IQCM: variants seen among roughly 807,000 people sequenced by gnomAD.
IQCM encodes IQ motif containing M.
A neutral mutation model predicts 57.6 loss-of-function variants in IQCM; 45 were observed. The ratio of observed to expected loss-of-function variants is 0.78; its 90% CI spans 0.62 to 1.00. The LOEUF (loss-of-function observed/expected upper bound fraction) is 1.00. IQCM is among the 50% of genes least tolerant of loss of function. The probability of loss-of-function intolerance (pLI) is 0.00; values close to 1 mark genes in which losing one functional copy is unlikely to be tolerated. For missense variants in IQCM, 468 were observed against 511.6 expected, an observed-to-expected ratio of 0.91 and a Z score of 0.82; for synonymous variants, 148 against 158.9, an observed-to-expected ratio of 0.93 and a Z score of 0.51.
chr4:149,537,869 A>G (rs889005238), intron 12 of IQCM, among the ~76,000 whole-genome samples: 4 of 151,878 alleles, frequency 2.6e-5, no homozygotes, highest in Admixed American at 2.0e-4. Flanking sequence ...TATCCAGCAA[A>G]AATATTCAAG....
At chr4:149,501,602 A>G (rs1329312461) in intron 12 of IQCM, among the ~76,000 whole-genome samples, 1 of 152,204 alleles carries the variant, frequency 6.6e-6, no homozygotes, top group Non-Finnish European at 1.5e-5. Flanking sequence ...CAAAAAAACA[A>G]TCTGTAGTAA....
intron 7 of IQCM, among the ~76,000 whole-genome samples, chr4:149,622,004 C>A (rs1475025653): frequency 6.6e-6 from 1 of 152,040 alleles, no homozygotes; most frequent in Non-Finnish European, 1.5e-5. Context: ...CTGAAACTTT[C>A]AATTTAATAA....
At chr4:149,802,498 A>C (rs114960426) in intron 2 of IQCM, among the ~76,000 whole-genome samples, 3,338 of 152,056 alleles carry the variant, frequency 0.022, 65 homozygotes, top group South Asian at 0.036. Context: ...ACTGATGAGA[A>C]TTCCTGTCAA....
chr4:149,494,429 C>G (rs538646425), intron 12 of IQCM, among the ~76,000 whole-genome samples: 7 of 151,936 alleles, frequency 4.6e-5, no homozygotes, highest in African/African-American at 1.7e-4. Context: ...CACTAAAGTC[C>G]CTAATGAGAT....
chr4:149,796,242 G>T (rs1420220119), intron 2 of IQCM, among the ~76,000 whole-genome samples: 2 of 152,144 alleles, frequency 1.3e-5, no homozygotes, highest in Non-Finnish European at 2.9e-5. Context: ...AGGAGCCATT[G>T]GGCTATAAGA....
chr4:149,601,424 A>T (rs1754284168), intron 8 of IQCM, among the ~76,000 whole-genome samples: 1 of 152,198 alleles, frequency 6.6e-6, no homozygotes, highest in African/African-American at 2.4e-5. Context: ...AGAAACAGCA[A>T]GAAGAAAAGG....
intron 9 of IQCM, among the ~76,000 whole-genome samples, chr4:149,570,587 G>C (rs2149957753): frequency 6.6e-6 from 1 of 152,050 alleles, no homozygotes; most frequent in East Asian, 1.9e-4. Context: ...TGAAAAAACT[G>C]ACAGGGGCAA....
chr4:149,633,226 C>G (rs1230453195), intron 7 of IQCM, among the ~76,000 whole-genome samples: 1 of 114,966 alleles, frequency 8.7e-6, no homozygotes, highest in South Asian at 3.0e-4. Flanking sequence ...GAAACAAGAA[C>G]AGTGAAATGA....
chr4:149,401,354 G>T (rs1401227630), intron 13 of IQCM, among the ~76,000 whole-genome samples: 1 of 151,708 alleles, frequency 6.6e-6, no homozygotes, highest in Non-Finnish European at 1.5e-5. Flanking sequence ...TTATATTTTA[G>T]TGGCTGACAG....
intron 7 of IQCM, among the ~76,000 whole-genome samples, chr4:149,648,248 ATTGT>A (rs1383234243): frequency 6.6e-6 from 1 of 151,942 alleles, no homozygotes; most frequent in Non-Finnish European, 1.5e-5. Context: ...TACCTTTTGC[ATTGT>A]TTCCTTATGT....
chr4:149,766,849 G>A (rs922015812), intron 2 of IQCM, among the ~76,000 whole-genome samples: 3 of 152,034 alleles, frequency 2.0e-5, no homozygotes, highest in African/African-American at 7.2e-5. Context: ...AGGCTTTCAG[G>A]TTAAAAACAT....
At chr4:149,359,503 T>C (rs1223087327) in intron 13 of IQCM, among the ~76,000 whole-genome samples, 2 of 152,190 alleles carry the variant, frequency 1.3e-5, no homozygotes, top group Admixed American at 6.5e-5. Flanking sequence ...ATTTTTATTG[T>C]AGATAATTAG....
chr4:149,639,765 T>A (rs989875407), intron 7 of IQCM, among the ~76,000 whole-genome samples: 4 of 151,674 alleles, frequency 2.6e-5, no homozygotes, highest in Admixed American at 1.3e-4. Context: ...TACAAAAAAA[T>A]TAAAAATAAA....
chr4:149,727,855 G>A lies in IQCM; in HGVS notation c.385+5389C>T, dbSNP rs188915525. On this transcript the variant is annotated intron_variant, in intron 5 of 13. Coordinates refer to ENST00000636793, the MANE Select transcript of IQCM (RefSeq NM_001363507.2). ...TGATGAATGAGAAGTGTTTGACACG[G>A]CCTGCATGCAGTGGTGTGCTGCAGC... Among the ~76,000 whole-genome samples, 19 of 152,332 alleles carry A rather than the reference G, an allele frequency of 1.2e-4. No individual in the cohort carries two copies. In the East Asian group the frequency reaches 3.7e-3, roughly 29 times the overall value.
intron 13 of IQCM, among the ~76,000 whole-genome samples, chr4:149,426,289 T>A (rs1227056694): frequency 6.6e-6 from 1 of 151,900 alleles, no homozygotes; most frequent in Admixed American, 6.6e-5. Flanking sequence ...TGAACAAAAG[T>A]CTTATTCTAG....
chr4:149,740,022 G>A lies in IQCM; in HGVS notation c.37+2633C>T, dbSNP rs368477574. Among the ~76,000 whole-genome samples, 217 of 152,224 alleles carry A rather than the reference G, an allele frequency of 1.4e-3. 3 individuals are homozygous for A. The highest frequency in any genetic ancestry group is 0.014 in the Middle Eastern group (4 of 294). On this transcript the variant is annotated intron_variant, in intron 3 of 13. Transcript: ENST00000636793. ...AATAAGCCATCTCTTAATTAGAATT[G>A]TTGAGTAAGTATTTTCTGTATCCGA... is the stretch of plus-strand genomic sequence containing the variant.
Position 149,748,737 on chromosome 4 carries a change from T to C in IQCM, c.-48-5998A>G, listed in dbSNP as rs369027860. 22 of 152,302 alleles carry C rather than the reference T, an allele frequency of 1.4e-4. No individual in the cohort carries two copies. In the East Asian group the frequency reaches 3.3e-3, roughly 23 times the overall value. 9.4% of individuals were successfully genotyped at this position (152,302 alleles called of 1,614,324 possible). ...GTTGGTGAGACAAGACTATCATTCATAGTGGTTAGGTGGAGTAACTTGGGG... is the reference window on the plus strand; with the variant it reads ...GTTGGTGAGACAAGACTATCATTCACAGTGGTTAGGTGGAGTAACTTGGGG... On this transcript the variant is annotated intron_variant, in intron 2 of 13. Coordinates refer to ENST00000636793, the MANE Select transcript of IQCM (RefSeq NM_001363507.2).
intron 5 of IQCM, among the ~76,000 whole-genome samples, chr4:149,724,900 T>G (rs907485266): frequency 6.6e-6 from 1 of 151,960 alleles, no homozygotes; most frequent in Non-Finnish European, 1.5e-5. Context: ...TAATAGTCAA[T>G]CATTTTAGTA....
intron 13 of IQCM, chr4:149,430,005 CCTT>C: frequency 1.1e-5 from 14 of 1,228,938 alleles, no homozygotes; most frequent in Non-Finnish European, 1.4e-5. Context: ...ATATAGGTCA[CCTT>C]CTGATAATTT....
Sources: gnomAD v4.1 joint callset for allele counts (sites outside exome capture counted in the v4.1 genomes callset) on GRCh38, gnomAD v4.1.1 for gene constraint, MANE v1.5 for transcripts, NCBI Gene and HGNC (gene_info 2026-07-23, HGNC 2026-07-21) for gene names.